Variants in RGMA observed in about 807,000 individuals in gnomAD.
RGMA encodes repulsive guidance molecule A.
A neutral mutation model predicts 23.2 loss-of-function variants in RGMA; 10 were observed. The observed-to-expected ratio is 0.43, with a 90% CI of 0.27 to 0.73. The LOEUF (loss-of-function observed/expected upper bound fraction) is 0.73, where lower values mean the gene tolerates loss of function less well. RGMA is among the 30% of genes least tolerant of loss of function. The pLI is 0.20. For missense variants in RGMA, 547 were observed against 630.5 expected (o/e 0.87, Z 1.42); for synonymous variants, 308 against 279.3 (o/e 1.10, Z -1.03).
chr15:93,057,964 G>A (rs532626522), intron 2 of RGMA, among the ~76,000 whole-genome samples: 4 of 152,208 alleles, frequency 2.6e-5, no homozygotes, highest in African/African-American at 9.6e-5. Flanking sequence ...TCGGTTTCCT[G>A]CCTGTCACAA....
intron 1 of RGMA, among the ~76,000 whole-genome samples, chr15:93,087,401 C>G (rs1274871128): frequency 7.9e-6 from 1 of 125,938 alleles, no homozygotes; most frequent in Non-Finnish European, 1.6e-5. Flanking sequence ...GATCATGTCC[C>G]TGTAAAGGGG....
At chr15:93,046,537 CA>C (rs2054827546) in intron 3 of RGMA, among the ~76,000 whole-genome samples, 1 of 152,164 alleles carries the variant, frequency 6.6e-6, no homozygotes, top group Non-Finnish European at 1.5e-5. Flanking sequence ...CATCATCTTG[CA>C]TAATGACAGT....
rs1174101410 is a variant in RGMA, at chr15:93,063,704, T to C, written c.130+9212A>G. The stretch of plus-strand genomic sequence containing the variant: ...TTCCTCCCTGAGTCTAGCCCAAGAA[T>C]GTTCCAAGGAACCTGTGACTCCAAT... On this transcript the variant is annotated intron_variant, in intron 2 of 3. Transcript: ENST00000329082. 4.6e-5 allele frequency among the ~76,000 whole-genome samples: 7 copies of C among 152,218 alleles called. No homozygotes were observed. In the East Asian group the frequency reaches 9.6e-4, roughly 21 times the overall value.
chr15:93,059,108 G>A (rs1213982594), intron 2 of RGMA, among the ~76,000 whole-genome samples: 1 of 152,136 alleles, frequency 6.6e-6, no homozygotes. Context: ...CACACAAGTG[G>A]AAGGGCTGGG....
chr15:93,083,723 G>T (rs1051794590), intron 1 of RGMA, among the ~76,000 whole-genome samples: 1 of 152,184 alleles, frequency 6.6e-6, no homozygotes, highest in South Asian at 2.1e-4. Context: ...TAAACTCACA[G>T]GAGCCTCATG....
intron 1 of RGMA, among the ~76,000 whole-genome samples, chr15:93,080,968 A>C (rs1895550383): frequency 6.6e-6 from 1 of 152,190 alleles, no homozygotes; most frequent in South Asian, 2.1e-4. Flanking sequence ...CTGGTCTCCA[A>C]GTTTGCAAAT....
intron 3 of RGMA, among the ~76,000 whole-genome samples, chr15:93,050,936 C>T (rs539198197): frequency 2.6e-4 from 40 of 151,998 alleles, no homozygotes; most frequent in Non-Finnish European, 4.6e-4. Context: ...GTGCAGGGGC[C>T]GTGGGGGAGG....
chr15:93,059,062 C>T (rs1449848608), intron 2 of RGMA, among the ~76,000 whole-genome samples: 1 of 152,172 alleles, frequency 6.6e-6, no homozygotes, highest in Non-Finnish European at 1.5e-5. Context: ...TTTGCAGATG[C>T]AAACACGGAG....
intron 1 of RGMA, among the ~76,000 whole-genome samples, chr15:93,076,496 G>A (rs1421718524): frequency 6.6e-6 from 1 of 152,094 alleles, no homozygotes; most frequent in Non-Finnish European, 1.5e-5. Flanking sequence ...GGGGGATAAA[G>A]AAATAAGACA....
chr15:93,083,475 ACAC>A (rs1895590653), intron 1 of RGMA, among the ~76,000 whole-genome samples: 1 of 152,116 alleles, frequency 6.6e-6, no homozygotes, highest in Non-Finnish European at 1.5e-5. Context: ...CCACAGGTGC[ACAC>A]CACCATGCCC....
rs777647132 is a variant in RGMA at position 93,085,871 on chromosome 15, G to A, written c.14+3048C>T. 7.9e-4 allele frequency among the ~76,000 whole-genome samples: 121 copies of A among 152,296 alleles called. 1 individual carries two copies. Among genetic ancestry groups the A allele is most frequent in the Non-Finnish European group, 1.4e-3 (93 of 68,030 alleles). Reference sequence around the variant, plus strand: ...AGAAACTGGGTATCCTTTCAATAGAGTTCATTTGTTCATCTGTCACCAAGG... The same window carrying A: ...AGAAACTGGGTATCCTTTCAATAGAATTCATTTGTTCATCTGTCACCAAGG... On this transcript the variant is annotated intron_variant, in intron 1 of 3. Transcript: ENST00000329082.
In RGMA at chr15:93,052,073, G is replaced by C. The variant is rs1371969538; in HGVS notation, c.565C>G (p.Leu189Val). ...ACGTTCAGGTAATTATTGTCGATGA[G>C]CGGCCAGGCGCCCTGCACCTTGCAG... ...QTCKVQGAWP[L>V]IDNNYLNVQV... Residue 189 changes from leucine (L) to valine (V), a missense_variant, in exon 3 of 4, where the codon CTC becomes GTC. Transcript: ENST00000329082. 1 of 1,613,090 alleles carries C rather than the reference G, an allele frequency of 6.2e-7. No homozygotes were observed. The highest frequency in any genetic ancestry group is 8.5e-7 in the Non-Finnish European group (1 of 1,179,536).
intron 2 of RGMA, among the ~76,000 whole-genome samples, chr15:93,071,986 T>A (rs1895341771): frequency 6.6e-6 from 1 of 151,918 alleles, no homozygotes; most frequent in Non-Finnish European, 1.5e-5. Flanking sequence ...AGAAAAAAAA[T>A]GGGTATAAAG....
Position 93,052,533 on chromosome 15 carries a change from G to A in RGMA, c.131-26C>T, listed in dbSNP as rs754394564. ...CTGAGGAGAAAGGAACGAACACACC[G>A]TCGGGGTGCAGCCTGGCAACCCCAG... On this transcript the variant is annotated intron_variant, in intron 2 of 3. Coordinates refer to ENST00000329082, the MANE Select transcript of RGMA (RefSeq NM_020211.3). 1.6e-5 allele frequency: 25 copies of A among 1,534,428 alleles called. No individual in the cohort carries two copies. In the Admixed American group the frequency reaches 3.2e-4, roughly 20 times the overall value.
intron 3 of RGMA, among the ~76,000 whole-genome samples, chr15:93,048,466 G>A (rs984698995): frequency 2.6e-5 from 4 of 152,104 alleles, no homozygotes; most frequent in Non-Finnish European, 4.4e-5. Context: ...GGGGCTCTGC[G>A]GGAGTCCATG....
At chr15:93,048,094 T>C (rs943643520) in intron 3 of RGMA, among the ~76,000 whole-genome samples, 9 of 152,112 alleles carry the variant, frequency 5.9e-5, no homozygotes, top group Non-Finnish European at 1.2e-4. Context: ...GCCTGAGGCC[T>C]GGAAAGGGGT....
At chr15:93,065,617 G>A in intron 2 of RGMA, 1 of 844,142 alleles carries the variant, frequency 1.2e-6, no homozygotes, top group Non-Finnish European at 2.0e-6. Context: ...GGTCCCCACT[G>A]TTGATAGGGG....
At chr15:93,088,857 T>A (rs2141853387) in intron 1 of RGMA, 62 bp downstream of exon 1, 2 of 1,421,292 alleles carry the variant, frequency 1.4e-6, no homozygotes, top group South Asian at 1.3e-5. Flanking sequence ...GGCCCCGGCA[T>A]GTGTCGGCGG....
At chr15:93,073,451 G>T in intron 1 of RGMA, 1 of 968,840 alleles carries the variant, frequency 1.0e-6, no homozygotes, top group Non-Finnish European at 1.5e-6. Context: ...ACCAGGCCCA[G>T]CACCCTTGGG....
Sources: gnomAD v4.1 joint callset for allele counts (sites outside exome capture counted in the v4.1 genomes callset) on GRCh38, gnomAD v4.1.1 for gene constraint, MANE v1.5 for transcripts, NCBI Gene and HGNC (gene_info 2026-07-23, HGNC 2026-07-21) for gene names.